TET3: variants seen among roughly 807,000 people sequenced by gnomAD.
TET3 encodes the protein methylcytosine dioxygenase TET3.
TET3 carries 19 observed loss-of-function variants against 141.4 expected under a neutral mutation model. That is an observed-to-expected ratio of 0.13 (90% CI 0.09 to 0.20). TET3 has a LOEUF of 0.20. TET3 is among the 10% of genes least tolerant of loss of function. TET3 has a pLI of 1.00. For synonymous variants in TET3, 1,043 were observed against 980.9 expected (o/e 1.06, Z -1.18); for missense variants, 1,874 against 2,356.9 (o/e 0.80, Z 4.24).
chr2:74,111,526 C>CTG (rs1691704893), downstream of TET3, among the ~76,000 whole-genome samples: 1 of 152,236 alleles, frequency 6.6e-6, no homozygotes, highest in Admixed American at 6.5e-5. Flanking sequence ...GTCATACAGG[C>CTG]TATGCACTGC....
At chr2:74,085,245 A>G (rs936644457) in intron 6 of TET3, among the ~76,000 whole-genome samples, 6 of 152,120 alleles carry the variant, frequency 3.9e-5, no homozygotes, top group African/African-American at 1.4e-4. Flanking sequence ...AATTGGAAGA[A>G]TTAGCCTCAC....
At chr2:74,111,605 C>A (rs533224228), downstream of TET3, among the ~76,000 whole-genome samples, 1 of 152,330 alleles carries the variant, frequency 6.6e-6, no homozygotes, top group Non-Finnish European at 1.5e-5. Context: ...TGGACTCCTC[C>A]CTGATATGGA....
In TET3 at chr2:74,087,819, C is replaced by T. The variant is rs139212806; in HGVS notation, c.2680-11C>T. 1.8e-3 allele frequency: 2,831 copies of T among 1,542,958 alleles called. 44 individuals are homozygous for T. The African/African-American group carries it at 0.033, about 18-fold the overall frequency. On this transcript the variant is annotated splice_polypyrimidine_tract_variant and intron_variant, in intron 6 of 11. Transcript: ENST00000409262. This position sits in a 1 kb window ranked among gnomAD's most constrained non-coding sequence, Gnocchi z 4.3. Reference sequence around the variant, plus strand: ...CCTGGCTCCTGCCCCTCACACCCTGCGTCCCTGCAGGTGATCCGCAGGCAC... The same window carrying T: ...CCTGGCTCCTGCCCCTCACACCCTGTGTCCCTGCAGGTGATCCGCAGGCAC...
rs762195965 is a variant in TET3 at position 74,101,293 on chromosome 2, C to G, written c.4505C>G (p.Ser1502Cys). The G allele has an allele frequency of 6.2e-7, 1 of 1,613,042 alleles. No individual in the cohort carries two copies. Among genetic ancestry groups the G allele is most frequent in the Non-Finnish European group, 8.5e-7 (1 of 1,179,620 alleles). The part of the protein sequence containing the change: ...LFPGEGQQAA[S>C]HSGGRLRGKP... ...CCCGGTGAGGGGCAGCAGGCAGCTTCCCACTCTGGAGGACGGCTGCGAGGC... is the reference window on the plus strand; with the variant it reads ...CCCGGTGAGGGGCAGCAGGCAGCTTGCCACTCTGGAGGACGGCTGCGAGGC... The change falls in exon 12 of 12, where the codon TCC becomes TGC. Residue 1502 changes from serine to cysteine, a missense_variant. By Grantham distance (112) the Ser-to-Cys change is moderately radical (BLOSUM62 -1). Around this residue, in one of 10 missense-constraint regions of TET3, gnomAD observed 602 missense variants for 590.2 expected, o/e 1.02. Coordinates refer to ENST00000409262, the MANE Select transcript of TET3 (RefSeq NM_001287491.2). The surrounding 1 kb of genome is among the most constrained non-coding windows in gnomAD (Gnocchi z 8.5).
chr2:73,993,049 A>G (rs1249634095), intron 2 of TET3, among the ~76,000 whole-genome samples: 2 of 152,208 alleles, frequency 1.3e-5, no homozygotes, highest in Non-Finnish European at 2.9e-5. Context: ...AGCCATGTAG[A>G]TCAGGGGTTC....
intron 3 of TET3, among the ~76,000 whole-genome samples, chr2:74,014,611 G>A (rs1685636194): frequency 6.6e-6 from 1 of 152,020 alleles, no homozygotes; most frequent in Admixed American, 6.6e-5. Flanking sequence ...TATTGCCTAG[G>A]ATTAGAGCAT....
rs148300896 is a variant in TET3 at position 74,050,624 on chromosome 2, A to T, written c.2494+2213A>T. 2.5e-3 allele frequency among the ~76,000 whole-genome samples: 382 copies of T among 152,194 alleles called. 4 individuals carry two copies. Among genetic ancestry groups the T allele is most frequent in the African/African-American group, 7.6e-3 (315 of 41,520 alleles). ...GAATGCAGTGGCATGATCTCTGCTC[A>T]CTGTAGCCTCCACTTCCTGGGCTCA... On this transcript the variant is annotated intron_variant, in intron 4 of 11. Transcript: ENST00000409262.
intron 3 of TET3, among the ~76,000 whole-genome samples, chr2:74,018,080 G>C (rs1685831539): frequency 1.3e-5 from 2 of 148,428 alleles, no homozygotes; most frequent in Non-Finnish European, 3.0e-5. Context: ...CAATTCTCCT[G>C]CCTCAGCCTC....
chr2:74,041,094 G>T (rs771405591), intron 3 of TET3, among the ~76,000 whole-genome samples: 4 of 152,012 alleles, frequency 2.6e-5, no homozygotes, highest in African/African-American at 9.7e-5. Flanking sequence ...TTTCTTTTCC[G>T]CATCTCCATT....
rs1388326714 is a variant in TET3, at chr2:73,984,923, G to A, written c.-659G>A. ...GCGGGGGGCGGGGAGTCCCGCGGAC[G>A]CCTTCATTGCTGCTGCTGCTGCCGC... On this transcript the variant is annotated 5_prime_UTR_variant, in exon 1 of 12. Transcript: ENST00000409262. The surrounding 1 kb of genome is among the most constrained non-coding windows in gnomAD (Gnocchi z 5.6). 6.8e-6 allele frequency among the ~76,000 whole-genome samples: 1 copy of A among 147,026 alleles called. No individual in the cohort carries two copies. Among genetic ancestry groups the A allele is most frequent in the Non-Finnish European group, 1.5e-5 (1 of 65,976 alleles).
chr2:74,003,279 G>A, intron 3 of TET3, 113 bp downstream of exon 3: 1 of 1,403,068 alleles, frequency 7.1e-7, no homozygotes, highest in Non-Finnish European at 9.7e-7. Context: ...ATCTCCCACT[G>A]TGTGTGTAGC....
chr2:74,099,661 A>G, intron 11 of TET3, 49 bp downstream of exon 11: 1 of 1,475,738 alleles, frequency 6.8e-7, no homozygotes. Context: ...CACTGTCCTC[A>G]TGGGGGCCCC....
rs1689878574 is a variant in TET3, at chr2:74,082,293, G to C, written c.2679+1702G>C. 2.0e-5 allele frequency among the ~76,000 whole-genome samples: 3 copies of C among 152,170 alleles called. No homozygotes were observed. In the South Asian group the frequency reaches 6.2e-4, roughly 31 times the overall value. ...ACTGAGGGCTGGGAAGAGCACACTTGCCTGCAGACTGGGGCCAGTTCCTGG... is the reference window on the plus strand; with the variant it reads ...ACTGAGGGCTGGGAAGAGCACACTTCCCTGCAGACTGGGGCCAGTTCCTGG... On this transcript the variant is annotated intron_variant, in intron 6 of 11. Transcript: ENST00000409262.
At chr2:74,109,421 T>TTAAAC (rs1048792293), downstream of TET3, among the ~76,000 whole-genome samples, 17 of 152,348 alleles carry the variant, frequency 1.1e-4, no homozygotes, top group Admixed American at 3.3e-4. Context: ...CTTTTTGCAC[T>TTAAAC]TAAACTATCT....
Position 74,100,536 on chromosome 2 carries a change from G to A in TET3, c.3748G>A (p.Asp1250Asn), listed in dbSNP as rs925918001. Residue 1250 changes from aspartate to asparagine, a missense_variant, in exon 12 of 12, where the codon GAC becomes AAC. By Grantham distance (23) the Asp-to-Asn change is conservative. Transcript: ENST00000409262. ...GGTGCTGGGCAACTGCCGGCCCTCC[G>A]ACCCTTACAGCATGAACAGCGTGTA... The part of the protein sequence containing the change: ...YSVLGNCRPS[D>N]PYSMNSVYSY... The A allele has an allele frequency of 9.3e-6, 15 of 1,611,498 alleles. No individual in the cohort carries two copies. The highest frequency in any genetic ancestry group is 1.3e-5 in the African/African-American group (1 of 74,860).
In TET3 at chr2:74,076,775, A is replaced by G. The variant is rs560634810; in HGVS notation, c.2585+3136A>G. Reference sequence around the variant, plus strand: ...GTAGGTCTAGGCTGTCTCTTTTCCTAGACTCTTCCTCAACCCTTTCTCTTC... The same window carrying G: ...GTAGGTCTAGGCTGTCTCTTTTCCTGGACTCTTCCTCAACCCTTTCTCTTC... On this transcript the variant is annotated intron_variant, in intron 5 of 11. Coordinates refer to ENST00000409262, the MANE Select transcript of TET3 (RefSeq NM_001287491.2). Among the ~76,000 whole-genome samples, 89 of 152,176 alleles carry G rather than the reference A, an allele frequency of 5.8e-4. 1 individual carries two copies. The highest frequency in any genetic ancestry group is 1.1e-3 in the Admixed American group (17 of 15,288).
the TET3 span, among the ~76,000 whole-genome samples, chr2:74,133,988 C>G: frequency 6.6e-6 from 1 of 152,100 alleles, no homozygotes; most frequent in Non-Finnish European, 1.5e-5. Flanking sequence ...TGTGATCCCC[C>G]CCCCTCGGCC....
chr2:74,061,261 T>C (rs1688526530), intron 4 of TET3, among the ~76,000 whole-genome samples: 1 of 127,600 alleles, frequency 7.8e-6, no homozygotes, highest in Admixed American at 7.8e-5. Flanking sequence ...CCCACTTCCC[T>C]CCCGGATGGG....
At chr2:73,992,688 T>G (rs1684396555) in intron 2 of TET3, among the ~76,000 whole-genome samples, 1 of 152,162 alleles carries the variant, frequency 6.6e-6, no homozygotes, top group African/African-American at 2.4e-5. Flanking sequence ...AATTACAATT[T>G]TTATGGAATT....
Sources: allele counts gnomAD v4.1 joint callset (sites outside exome capture counted in the v4.1 genomes callset), GRCh38; gene constraint gnomAD v4.1.1; regional missense constraint gnomAD v4.1.1; non-coding constraint Gnocchi (gnomAD v3.1); transcripts MANE v1.5; gene names NCBI Gene and HGNC (gene_info 2026-07-23, HGNC 2026-07-21).